Variants in PASD1 observed in about 807,000 individuals in gnomAD.
PASD1 encodes the protein PAS domain containing repressor 1.
Under a neutral mutation model 58.8 loss-of-function variants are expected in PASD1, and 13 were observed. That is an observed-to-expected ratio of 0.22 (90% CI 0.14 to 0.35). The LOEUF (loss-of-function observed/expected upper bound fraction) is 0.35, where lower values mean the gene tolerates loss of function less well. Ranked by LOEUF, PASD1 falls within the 10% of genes least tolerant of loss-of-function variation. The pLI, the probability that PASD1 is intolerant of heterozygous loss-of-function variation, is 1.00. For missense variants in PASD1, 734 were observed against 568.3 expected, an observed-to-expected ratio of 1.29 and a Z score of -2.96; for synonymous variants, 236 against 216.7, an observed-to-expected ratio of 1.09 and a Z score of -0.78.
At chrX:151,612,520 G>A (rs1044368287) in intron 4 of PASD1, among the ~76,000 whole-genome samples, 6 of 110,849 alleles carry the variant, frequency 5.4e-5, no homozygotes, top group African/African-American at 2.0e-4. Flanking sequence ...TAACTGGTGA[G>A]AGATGGTATC....
chrX:151,665,276 C>T (rs1463104141), intron 11 of PASD1, among the ~76,000 whole-genome samples: 1 of 112,280 alleles, frequency 8.9e-6, no homozygotes, highest in African/African-American at 3.2e-5. Flanking sequence ...CTGCTGTGGC[C>T]TGATTTATGT....
intron 8 of PASD1, among the ~76,000 whole-genome samples, chrX:151,629,836 T>C (rs931112673): frequency 8.9e-5 from 10 of 111,943 alleles, no homozygotes; most frequent in Non-Finnish European, 1.5e-4. Context: ...AAAACTAGCA[T>C]ATCAGTGTAG....
At chrX:151,616,879 T>G (rs2013643813) in intron 4 of PASD1, among the ~76,000 whole-genome samples, 1 of 111,405 alleles carries the variant, frequency 9.0e-6, no homozygotes, top group African/African-American at 3.3e-5. Context: ...AGATGCTGCC[T>G]AAATCTCCTG....
intron 1 of PASD1, among the ~76,000 whole-genome samples, chrX:151,600,148 CAGGCACTCGACAGGCTG>C (rs1189712991): frequency 8.1e-5 from 9 of 111,647 alleles, no homozygotes; most frequent in African/African-American, 2.9e-4. Context: ...CCTGCAATCC[CAGGCACTCGACAGGCTG>C]AGGCAGGAGA....
At chrX:151,630,541 A>G (rs2013854272) in intron 8 of PASD1, among the ~76,000 whole-genome samples, 2 of 112,225 alleles carry the variant, frequency 1.8e-5, no homozygotes, top group African/African-American at 6.5e-5. Context: ...TCCCCATGAT[A>G]TTTTCAATTA....
At chrX:151,580,140 T>C (rs1391922604) in intron 1 of PASD1, among the ~76,000 whole-genome samples, 3 of 112,244 alleles carry the variant, frequency 2.7e-5, no homozygotes, top group Non-Finnish European at 5.6e-5. Flanking sequence ...TCCAGAACAC[T>C]TTACGTATAA....
intron 1 of PASD1, among the ~76,000 whole-genome samples, chrX:151,589,670 T>G (rs1200865803): frequency 2.7e-5 from 3 of 111,622 alleles, no homozygotes; most frequent in Non-Finnish European, 5.6e-5. Context: ...AGGTAGAGAG[T>G]TGGGATTTAA....
At chrX:151,593,130 T>C (rs2013271507) in intron 1 of PASD1, among the ~76,000 whole-genome samples, 1 of 111,516 alleles carries the variant, frequency 9.0e-6, no homozygotes, top group Non-Finnish European at 1.9e-5. Context: ...TCCTAGAGTC[T>C]ACTTTGTGTA....
rs200997692 is a variant in PASD1 at position 151,653,664 on chromosome X, T to TTTCC, written c.717+4987_717+4990dup. Among the ~76,000 whole-genome samples, 216 of 96,255 alleles carry TTTCC rather than the reference T, an allele frequency of 2.2e-3. 2 individuals carry two copies. Among genetic ancestry groups the TTTCC allele is most frequent in the African/African-American group, 7.1e-3 (187 of 26,398 alleles). The allele number at this position is 96,255 out of a possible 115,157, so 83.6% of individuals were successfully genotyped here. On this transcript the variant is annotated intron_variant, in intron 9 of 15. Coordinates refer to ENST00000370357, the MANE Select transcript of PASD1 (RefSeq NM_173493.3). Reference sequence around the variant, plus strand: ...CAGCTTAGGGATGTTTTCTTCCTTCTTTCCTTCCTTCCTTCCTTCCTTCCT... The same window carrying TTTCC: ...CAGCTTAGGGATGTTTTCTTCCTTCTTTCCTTCCTTCCTTCCTTCCTTCCTTCCT...
rs768907607 is a variant in PASD1 at position 151,604,671 on chromosome X, A to C, written c.54A>C (p.Gln18His). 11 of 1,207,437 alleles carry C rather than the reference A, an allele frequency of 9.1e-6. No homozygotes were observed. Among genetic ancestry groups the C allele is most frequent in the Non-Finnish European group, 1.2e-5 (11 of 892,525 alleles). The change falls in exon 3 of 16, where the codon CAA becomes CAC. Residue 18 changes from glutamine to histidine, a missense_variant. Coordinates refer to ENST00000370357, the MANE Select transcript of PASD1 (RefSeq NM_173493.3). Reference sequence around the variant, plus strand: ...ACAAAGTCAATCCAAAAAGCTCTCAAAGGAAATTAAACTGGATTCCATCAT... The same window carrying C: ...ACAAAGTCAATCCAAAAAGCTCTCACAGGAAATTAAACTGGATTCCATCAT... Reference protein sequence around the residue: ...RRDKVNPKSSQRKLNWIPSFP... With the variant: ...RRDKVNPKSSHRKLNWIPSFP...
chrX:151,590,849 G>A (rs143173724), intron 1 of PASD1, among the ~76,000 whole-genome samples: 1,263 of 112,122 alleles, frequency 0.011, 20 homozygotes, highest in African/African-American at 0.039. Flanking sequence ...GCAGGTGTGA[G>A]CCACTGCACC....
chrX:151,620,974 A>T lies in PASD1; in HGVS notation c.252A>T (p.Glu84Asp), dbSNP rs921852065. Residue 84 changes from glutamate to aspartate, a missense_variant, in exon 5 of 16, where the codon GAA (glutamate) becomes GAT (aspartate). Transcript: ENST00000370357. The stretch of plus-strand genomic sequence containing the variant: ...AATTATTAAGCCTTCTGCCTGATGA[A>T]GAGAAAGATGAAGTCTACCAAAAGA... ...GKKLLSLLPDEEKDEVYQKII... is the reference protein window; with the variant it reads ...GKKLLSLLPDDEKDEVYQKII... The T allele has an allele frequency of 6.6e-6, 8 of 1,208,895 alleles. No individual in the cohort carries two copies. Among genetic ancestry groups the T allele is most frequent in the Non-Finnish European group, 7.8e-6 (7 of 893,737 alleles).
rs375375198 is a variant in PASD1, at chrX:151,623,092, C to T, written c.546+28C>T. 2.5e-4 allele frequency: 305 copies of T among 1,198,997 alleles called. 1 individual carries two copies. The highest frequency in any genetic ancestry group is 9.0e-4 in the African/African-American group (51 of 56,795). On this transcript the variant is annotated intron_variant, in intron 7 of 15. Coordinates refer to ENST00000370357, the MANE Select transcript of PASD1 (RefSeq NM_173493.3). ...GGGTATACTGTGTTTGTGCTTCCCC[C>T]GCTGTGGCGATGTGGGCTTCCTTTG...
chrX:151,661,824 A>G (rs2014316161), intron 10 of PASD1, among the ~76,000 whole-genome samples: 1 of 110,550 alleles, frequency 9.0e-6, no homozygotes, highest in Non-Finnish European at 1.9e-5. Flanking sequence ...ATGTCCCTCA[A>G]TTTGGGTTCG....
chrX:151,592,415 G>A (rs964908554), intron 1 of PASD1, among the ~76,000 whole-genome samples: 3 of 111,739 alleles, frequency 2.7e-5, no homozygotes, highest in African/African-American at 9.7e-5. Context: ...CTTTCTATAT[G>A]AAGGAACCTA....
At position 151,612,920 on chromosome X, in the gene PASD1, A is replaced by G. The variant is rs181006183; in HGVS notation, c.207+1167A>G. ...GCCTATGTCCTGAATGGTATTGTCT[A>G]GGTTTTCTTCTAGGGTTTTTATGGT... On this transcript the variant is annotated intron_variant, in intron 4 of 15. Coordinates refer to ENST00000370357, the MANE Select transcript of PASD1 (RefSeq NM_173493.3). 4.2e-3 allele frequency among the ~76,000 whole-genome samples: 472 copies of G among 111,777 alleles called. 3 individuals carry two copies. The highest frequency in any genetic ancestry group is 0.014 in the African/African-American group (441 of 30,760).
rs1298957137 is a variant in PASD1 at position 151,673,948 on chromosome X, A to C, written c.1937A>C (p.Gln646Pro). 1 of 1,209,705 alleles carries C rather than the reference A, an allele frequency of 8.3e-7. No homozygotes were observed. The highest frequency in any genetic ancestry group is 2.2e-5 in the Admixed American group (1 of 45,795). The change falls in exon 15 of 16, where the codon CAA (glutamine) becomes CCA (proline). Residue 646 changes from glutamine (Q) to proline (P), a missense_variant. Transcript: ENST00000370357. ...ESQSFYPEAY[Q>P]GPPVNQLPLI... The stretch of plus-strand genomic sequence containing the variant: ...TACAGTTTTTATCCTGAGGCGTATC[A>C]AGGGCCCCCCGTGAACCAGCTGCCA...
At chrX:151,584,261 T>C (rs2013137143) in intron 1 of PASD1, among the ~76,000 whole-genome samples, 1 of 111,843 alleles carries the variant, frequency 8.9e-6, no homozygotes, top group Non-Finnish European at 1.9e-5. Context: ...CAGGGGTTTA[T>C]TGCTTCCTAT....
intron 1 of PASD1, among the ~76,000 whole-genome samples, chrX:151,596,864 G>A (rs1285917491): frequency 1.8e-5 from 2 of 111,621 alleles, no homozygotes; most frequent in Non-Finnish European, 3.8e-5. Context: ...TCTATTCCTA[G>A]TCTGTTAAGA....
Sources: gnomAD v4.1 joint callset for allele counts (sites outside exome capture counted in the v4.1 genomes callset) on GRCh38, gnomAD v4.1.1 for gene constraint, MANE v1.5 for transcripts, NCBI Gene and HGNC (gene_info 2026-07-23, HGNC 2026-07-21) for gene names.